Variants in RERE observed in about 807,000 individuals in gnomAD.
RERE encodes arginine-glutamic acid dipeptide repeats protein.
In RERE, 40 loss-of-function variants were observed where a neutral mutation model predicts 146.1. The ratio of observed to expected loss-of-function variants is 0.27; its 90% CI spans 0.21 to 0.36. The LOEUF is 0.36. RERE is among the 10% of genes least tolerant of loss of function. The pLI, the probability that RERE is intolerant of heterozygous loss-of-function variation, is 1.00. For missense variants in RERE, 1,933 were observed against 2,138.7 expected, an observed-to-expected ratio of 0.90 and a Z score of 1.90; for synonymous variants, 1,003 against 866.0, an observed-to-expected ratio of 1.16 and a Z score of -2.78.
At chr1:8,703,490 G>A (rs1371545183) in intron 1 of RERE, among the ~76,000 whole-genome samples, 3 of 151,858 alleles carry the variant, frequency 2.0e-5, no homozygotes, top group Non-Finnish European at 4.4e-5. Context: ...CGCTCCGCGC[G>A]CACCCCTGCT....
At chr1:8,786,541 A>G in intron 1 of RERE, 1 of 781,732 alleles carries the variant, frequency 1.3e-6, no homozygotes, top group Non-Finnish European at 2.3e-6. Flanking sequence ...TACAATCCTC[A>G]GCATGTTAAC....
rs114374098 is a variant in RERE, at chr1:8,760,455, T to C, written c.-145+56705A>G. Among the ~76,000 whole-genome samples the C allele has an allele frequency of 7.4e-3, 1,131 of 152,290 alleles. 15 individuals carry two copies. The highest frequency in any genetic ancestry group is 0.025 in the African/African-American group (1,059 of 41,562). Reference sequence around the variant, plus strand: ...ATTAAAAGAAAGAGTCCTGGGTCAGTAGTACAGCTTTGTTGCAAGTATCTG... The same window carrying C: ...ATTAAAAGAAAGAGTCCTGGGTCAGCAGTACAGCTTTGTTGCAAGTATCTG... On this transcript the variant is annotated intron_variant, in intron 1 of 22. Coordinates refer to ENST00000400908, the MANE Select transcript of RERE (RefSeq NM_001042681.2).
chr1:8,691,989 C>T (rs1639217219), intron 1 of RERE, among the ~76,000 whole-genome samples: 1 of 152,160 alleles, frequency 6.6e-6, no homozygotes, highest in Non-Finnish European at 1.5e-5. Flanking sequence ...AAATCTTCTG[C>T]ATTTCTGAGT....
chr1:8,804,822 G>C (rs976391328), intron 1 of RERE, among the ~76,000 whole-genome samples: 7 of 152,148 alleles, frequency 4.6e-5, no homozygotes, highest in African/African-American at 1.7e-4. Context: ...ACTGGTTCAG[G>C]ACTGTCTATG....
At chr1:8,619,198 G>A (rs1393950863) in intron 3 of RERE, among the ~76,000 whole-genome samples, 1 of 152,084 alleles carries the variant, frequency 6.6e-6, no homozygotes, top group Admixed American at 6.6e-5. Flanking sequence ...AGGCTGTTAG[G>A]GACACAAATG....
chr1:8,596,978 A>C (rs1646562284), intron 4 of RERE, among the ~76,000 whole-genome samples: 1 of 152,210 alleles, frequency 6.6e-6, no homozygotes, highest in South Asian at 2.1e-4. Flanking sequence ...AAAAGCATTA[A>C]CATGACAGAT....
chr1:8,798,615 G>A (rs1641527149), intron 1 of RERE: 1 of 220,504 alleles, frequency 4.5e-6, no homozygotes, highest in Non-Finnish European at 9.9e-6. Flanking sequence ...CTGGTGGCTG[G>A]ATTTGACCAC....
At chr1:8,422,887 G>A (rs1164514536) in intron 11 of RERE, 80 bp from the exon 12 acceptor site, 2 of 1,035,096 alleles carry the variant, frequency 1.9e-6, no homozygotes, top group South Asian at 1.3e-5. Context: ...TCTACAATCA[G>A]CAGAATAACA....
At chr1:8,459,430 A>G (rs1360997843) in intron 11 of RERE, among the ~76,000 whole-genome samples, 1 of 152,200 alleles carries the variant, frequency 6.6e-6, no homozygotes, top group Non-Finnish European at 1.5e-5. Flanking sequence ...AGAGAGGAGA[A>G]TCTACTGTGA....
chr1:8,529,367 G>T (rs1385329389), intron 7 of RERE, among the ~76,000 whole-genome samples: 1 of 140,766 alleles, frequency 7.1e-6, no homozygotes, highest in African/African-American at 2.7e-5. Flanking sequence ...TCAGCTCACT[G>T]CAAGCTCCGG....
At chr1:8,612,390 T>C (rs1396415195) in intron 4 of RERE, among the ~76,000 whole-genome samples, 2 of 152,186 alleles carry the variant, frequency 1.3e-5, no homozygotes, top group African/African-American at 4.8e-5. Context: ...AAAGCATCAT[T>C]AAAGAACAAT....
chr1:8,360,491 C>CG lies in RERE; in HGVS notation c.3015dup (p.Gly1006ArgfsTer97). ...GGCAGGTTCTGGCTCTGGGTCAGCC[C>CG]GGGGGGCTGGGCGGGCGAGGAGGGC... On this transcript the variant is annotated frameshift_variant, in exon 18 of 23. Coordinates refer to ENST00000400908, the MANE Select transcript of RERE (RefSeq NM_001042681.2). LOFTEE classifies it high-confidence loss of function. The CG allele has an allele frequency of 3.6e-5, 43 of 1,180,268 alleles. No individual in the cohort carries two copies. Among genetic ancestry groups the CG allele is most frequent in the Non-Finnish European group, 4.3e-5 (39 of 911,206 alleles). The allele number at this position is 1,180,268 out of a possible 1,614,324, so 73.1% of individuals were successfully genotyped here.
chr1:8,635,413 G>A (rs1226703394), intron 2 of RERE, among the ~76,000 whole-genome samples: 3 of 152,186 alleles, frequency 2.0e-5, no homozygotes, highest in Non-Finnish European at 4.4e-5. Context: ...GTATCTAAAT[G>A]CTTCTTGATT....
intron 3 of RERE, among the ~76,000 whole-genome samples, chr1:8,615,420 A>C (rs1646841218): frequency 6.6e-6 from 1 of 152,224 alleles, no homozygotes; most frequent in Non-Finnish European, 1.5e-5. Flanking sequence ...GAAAACATTT[A>C]AAAACCAGGA....
At position 8,402,575 on chromosome 1, in the gene RERE, GA is replaced by G. The variant is rs148456111; in HGVS notation, c.1284+20151del. Reference sequence around the variant, plus strand: ...ATGGTAACTATCTTTGCATTCCCGGGATAACTCCTACTTGCTCACCATGTAG... The same window carrying G: ...ATGGTAACTATCTTTGCATTCCCGGGTAACTCCTACTTGCTCACCATGTAG... On this transcript the variant is annotated intron_variant, in intron 12 of 22. Transcript: ENST00000400908. Among the ~76,000 whole-genome samples the G allele has an allele frequency of 5.3e-4, 81 of 152,284 alleles. 1 individual carries two copies. In the East Asian group the frequency reaches 0.011, roughly 20 times the overall value.
At chr1:8,380,326 CA>C (rs1193668861) in intron 12 of RERE, among the ~76,000 whole-genome samples, 2 of 147,822 alleles carry the variant, frequency 1.4e-5, no homozygotes, top group Non-Finnish European at 3.0e-5. Context: ...ACACAACTCC[CA>C]AAAGTCAACA....
intron 16 of RERE, 90 bp from the exon 17 acceptor site, chr1:8,361,966 G>T: frequency 1.1e-6 from 1 of 919,788 alleles, no homozygotes; most frequent in Non-Finnish European, 1.7e-6. Context: ...CAGACACTTT[G>T]CTCCCTCATT....
chr1:8,789,301 A>AAAAAAAAAAT, intron 1 of RERE, among the ~76,000 whole-genome samples: 11 of 24,810 alleles, frequency 4.4e-4, no homozygotes, highest in African/African-American at 9.3e-4. Context: ...AAAAAAAAAA[A>AAAAAAAAAAT]ATATATATAT....
At chr1:8,396,117 GAAC>G (rs1182784033) in intron 12 of RERE, among the ~76,000 whole-genome samples, 7 of 152,298 alleles carry the variant, frequency 4.6e-5, no homozygotes, top group African/African-American at 1.4e-4. Context: ...AGAAGGCACA[GAAC>G]AACTGAGCAG....
Sources: allele counts gnomAD v4.1 joint callset (sites outside exome capture counted in the v4.1 genomes callset), GRCh38; gene constraint gnomAD v4.1.1; transcripts MANE v1.5; gene names NCBI Gene and HGNC (gene_info 2026-07-23, HGNC 2026-07-21).